Variants in KATNBL1 observed in about 807,000 individuals in gnomAD.
The protein encoded by KATNBL1 is KATNB1-like protein 1.
KATNBL1 carries 28 observed loss-of-function variants against 44.7 expected under a neutral mutation model. That is an observed-to-expected ratio of 0.63 (90% CI 0.46 to 0.86). The LOEUF (loss-of-function observed/expected upper bound fraction) is 0.86, where lower values mean the gene tolerates loss of function less well. KATNBL1 is among the 40% of genes least tolerant of loss of function. The pLI is 0.00. For missense variants in KATNBL1, 272 were observed against 350.7 expected, an observed-to-expected ratio of 0.78 and a Z score of 1.79; for synonymous variants, 78 against 114.9, an observed-to-expected ratio of 0.68 and a Z score of 2.06.
At position 34,148,734 on chromosome 15, in the gene KATNBL1, T is replaced by C; in HGVS notation, c.455A>G (p.Glu152Gly). The C allele has an allele frequency of 6.2e-7, 1 of 1,605,100 alleles. No individual in the cohort carries two copies. Reference protein sequence around the residue: ...GFFSEVSQDHETMAQVLFSRN... With the variant: ...GFFSEVSQDHGTMAQVLFSRN... ...GCTGAACAAAACTTGGGCCATTGTT[T>C]CATGGTCCTGAGAAACCTGAAAGGC... Residue 152 changes from glutamate to glycine, a missense_variant, in exon 5 of 10, where the codon GAA becomes GGA. Around this residue, in one of 3 missense-constraint regions of KATNBL1, gnomAD observed 111 missense variants for 149.3 expected, o/e 0.74. Transcript: ENST00000256544.
At chr15:34,147,559 G>T in intron 5 of KATNBL1, 129 bp from the exon 6 acceptor site, 1 of 575,638 alleles carries the variant, frequency 1.7e-6, no homozygotes, top group Non-Finnish European at 3.0e-6. Context: ...AATGAGTCAT[G>T]TCTGTGGATA....
chr15:34,184,366 G>C (rs11639176), intron 1 of KATNBL1, among the ~76,000 whole-genome samples: 135,355 of 149,980 alleles, frequency 0.9, 61,166 homozygotes, highest in East Asian at 0.99. Context: ...ACTCGGGAAA[G>C]TCAGACAGCA....
intron 4 of KATNBL1, among the ~76,000 whole-genome samples, chr15:34,149,727 C>A (rs1441998243): frequency 6.6e-6 from 1 of 152,150 alleles, no homozygotes; most frequent in Non-Finnish European, 1.5e-5. Context: ...CCAAGCCCAA[C>A]TTTACTTTTA....
chr15:34,181,809 T>TATATGTCC (rs1889564156), intron 1 of KATNBL1, among the ~76,000 whole-genome samples: 2 of 58,514 alleles, frequency 3.4e-5, no homozygotes, highest in Non-Finnish European at 6.8e-5. Flanking sequence ...TATATATACA[T>TATATGTCC]ATATACATGT....
chr15:34,171,290 C>G (rs1189901294), intron 1 of KATNBL1, among the ~76,000 whole-genome samples: 1 of 152,156 alleles, frequency 6.6e-6, no homozygotes. Context: ...TGAACAGACA[C>G]ATCTCAAAAG....
chr15:34,189,862 A>G (rs2140983114), intron 1 of KATNBL1, among the ~76,000 whole-genome samples: 1 of 152,338 alleles, frequency 6.6e-6, no homozygotes, highest in Admixed American at 6.5e-5. Flanking sequence ...CATTTCTTAA[A>G]CAATTAAAAG....
Position 34,185,695 on chromosome 15 carries a change from G to A in KATNBL1, c.-14-22005C>T, listed in dbSNP as rs56711593. Among the ~76,000 whole-genome samples the A allele has an allele frequency of 5.4e-3, 816 of 152,294 alleles. 9 individuals are homozygous for A. Among genetic ancestry groups the A allele is most frequent in the African/African-American group, 0.019 (770 of 41,542 alleles). On this transcript the variant is annotated intron_variant, in intron 1 of 9. Transcript: ENST00000256544. ...GGGAAGAAGGCTCTAATCAGGTGCT[G>A]CAGCTCAGGAAATGGAAGATCGGCC...
chr15:34,184,178 C>T (rs551591150), intron 1 of KATNBL1, among the ~76,000 whole-genome samples: 25 of 152,076 alleles, frequency 1.6e-4, no homozygotes, highest in Non-Finnish European at 2.9e-4. Context: ...TGGTGGCGGG[C>T]GCCTGTAGTC....
chr15:34,161,581 G>A (rs956164844), intron 2 of KATNBL1, among the ~76,000 whole-genome samples: 2 of 152,230 alleles, frequency 1.3e-5, no homozygotes, highest in South Asian at 4.1e-4. Flanking sequence ...ACAAGGGGGA[G>A]GAAGGAGTTC....
intron 4 of KATNBL1, among the ~76,000 whole-genome samples, chr15:34,152,044 G>A (rs886223360): frequency 2.0e-5 from 3 of 150,640 alleles, no homozygotes; most frequent in African/African-American, 7.3e-5. Context: ...AGGTTCAAGT[G>A]ATTCTTCTGC....
At chr15:34,178,885 T>C (rs1434286356) in intron 1 of KATNBL1, among the ~76,000 whole-genome samples, 2 of 152,132 alleles carry the variant, frequency 1.3e-5, no homozygotes, top group African/African-American at 4.8e-5. Flanking sequence ...CTAAATTCAG[T>C]TGCCAGACTC....
At chr15:34,194,963 G>A (rs895654101) in intron 1 of KATNBL1, among the ~76,000 whole-genome samples, 9 of 152,208 alleles carry the variant, frequency 5.9e-5, no homozygotes, top group South Asian at 2.1e-4. Flanking sequence ...AGATAACAAG[G>A]GTGTGGAGAA....
chr15:34,196,364 G>A (rs1004521739), intron 1 of KATNBL1, among the ~76,000 whole-genome samples: 1 of 152,212 alleles, frequency 6.6e-6, no homozygotes, highest in Non-Finnish European at 1.5e-5. Flanking sequence ...GCTGCAGTGA[G>A]TCGAGACTGC....
chr15:34,172,040 C>A (rs887883060), intron 1 of KATNBL1, among the ~76,000 whole-genome samples: 5 of 151,788 alleles, frequency 3.3e-5, no homozygotes, highest in African/African-American at 1.2e-4. Context: ...ATGTAACAAA[C>A]CTGCATGTTG....
chr15:34,202,972 C>T (rs1036824674), intron 1 of KATNBL1, among the ~76,000 whole-genome samples: 1 of 152,112 alleles, frequency 6.6e-6, no homozygotes, highest in Non-Finnish European at 1.5e-5. Flanking sequence ...GCCTGGGCGA[C>T]AGCAAGACTC....
chr15:34,180,552 T>C (rs1889487483), intron 1 of KATNBL1, among the ~76,000 whole-genome samples: 1 of 152,232 alleles, frequency 6.6e-6, no homozygotes, highest in Non-Finnish European at 1.5e-5. Context: ...GTTATTTCTC[T>C]CGACCCAGGT....
chr15:34,193,140 C>T lies in KATNBL1; in HGVS notation c.-15+16811G>A, dbSNP rs182436505. 5.1e-4 allele frequency among the ~76,000 whole-genome samples: 74 copies of T among 145,030 alleles called. 1 individual carries two copies. Among genetic ancestry groups the T allele is most frequent in the African/African-American group, 1.8e-3 (70 of 38,524 alleles). ...GCTGAGGCAGGAGAATGGCGTCAAC[C>T]CGGGAGGCGGAGCTTGCAGTGAACC... On this transcript the variant is annotated intron_variant, in intron 1 of 9. Transcript: ENST00000256544.
intron 1 of KATNBL1, among the ~76,000 whole-genome samples, chr15:34,193,337 C>T (rs961606685): frequency 1.3e-5 from 2 of 151,664 alleles, no homozygotes; most frequent in Admixed American, 6.6e-5. Context: ...AGTTTGAAAC[C>T]AGCCTGGCCA....
intron 1 of KATNBL1, among the ~76,000 whole-genome samples, chr15:34,206,919 A>G (rs1890308873): frequency 6.6e-6 from 1 of 152,206 alleles, no homozygotes; most frequent in Non-Finnish European, 1.5e-5. Flanking sequence ...TCCTAAATAC[A>G]TTTTCCAGAA....
Sources: allele counts gnomAD v4.1 joint callset (sites outside exome capture counted in the v4.1 genomes callset), GRCh38; gene constraint gnomAD v4.1.1; regional missense constraint gnomAD v4.1.1; transcripts MANE v1.5; gene names NCBI Gene and HGNC (gene_info 2026-07-23, HGNC 2026-07-21).